CTNND2: variants seen among roughly 807,000 people sequenced by gnomAD.
CTNND2 encodes the protein catenin delta 2, also known as catenin delta-2.
Under a neutral mutation model 144.4 loss-of-function variants are expected in CTNND2, and 22 were observed. The observed-to-expected ratio is 0.15, with a 90% CI of 0.11 to 0.22. The LOEUF is 0.22. Among genes scored for constraint, CTNND2 ranks in the 10% least tolerant of loss-of-function variants. The pLI is 1.00. For missense variants in CTNND2, 1,353 were observed against 1,618.8 expected, an observed-to-expected ratio of 0.84 and a Z score of 2.82; for synonymous variants, 751 against 695.6, an observed-to-expected ratio of 1.08 and a Z score of -1.25.
At chr5:11,346,903 C>T (rs994264578) in intron 8 of CTNND2, among the ~76,000 whole-genome samples, 3 of 152,124 alleles carry the variant, frequency 2.0e-5, no homozygotes, top group Admixed American at 6.5e-5. Flanking sequence ...GTGTGTTCAG[C>T]TGCAATATAA....
chr5:11,150,615 TTC>T (rs1364994965), intron 12 of CTNND2, among the ~76,000 whole-genome samples: 5 of 123,018 alleles, frequency 4.1e-5, no homozygotes, highest in Admixed American at 1.8e-4. Context: ...AACTGCTGCC[TTC>T]TTTTTTTTTT....
At position 11,129,150 on chromosome 5, in the gene CTNND2, A is replaced by T. The variant is rs781483984; in HGVS notation, c.2160-11583T>A. ...ATATATTTATATATATTATATATAA[A>T]ATATACATATATTATATATTATATA... On this transcript the variant is annotated intron_variant, in intron 12 of 21. Coordinates refer to ENST00000304623, the MANE Select transcript of CTNND2 (RefSeq NM_001332.4). Among the ~76,000 whole-genome samples the T allele has an allele frequency of 9.0e-3, 142 of 15,798 alleles. 7 individuals carry two copies. Among genetic ancestry groups the T allele is most frequent in the South Asian group, 0.026 (12 of 462 alleles). 10.4% of individuals were successfully genotyped at this position (15,798 alleles called of 152,430 possible). A position where few individuals can be genotyped will look rare whatever the true frequency, so the allele number is the denominator to read the frequency against.
At chr5:11,545,194 C>A (rs1313223797) in intron 3 of CTNND2, among the ~76,000 whole-genome samples, 3 of 146,824 alleles carry the variant, frequency 2.0e-5, no homozygotes, top group South Asian at 4.3e-4. Context: ...TGGTGGCAGG[C>A]GCCTGTAATC....
At chr5:11,871,561 G>T (rs986023150) in intron 1 of CTNND2, among the ~76,000 whole-genome samples, 1 of 152,146 alleles carries the variant, frequency 6.6e-6, no homozygotes, top group Non-Finnish European at 1.5e-5. Flanking sequence ...AGACTTAAAA[G>T]AATTTGTATT....
At chr5:11,777,509 C>G (rs558491988) in intron 1 of CTNND2, among the ~76,000 whole-genome samples, 1 of 152,134 alleles carries the variant, frequency 6.6e-6, no homozygotes, top group South Asian at 2.1e-4. Context: ...AATCCTGGAT[C>G]GAGTTCTGAG....
intron 11 of CTNND2, among the ~76,000 whole-genome samples, chr5:11,184,260 T>C (rs989704807): frequency 6.6e-6 from 1 of 152,232 alleles, no homozygotes; most frequent in Non-Finnish European, 1.5e-5. Context: ...TAGCCTTTTT[T>C]CTACTGATAC....
intron 11 of CTNND2, among the ~76,000 whole-genome samples, chr5:11,161,539 A>T (rs562127495): frequency 1.3e-5 from 2 of 152,354 alleles, no homozygotes; most frequent in Non-Finnish European, 2.9e-5. Context: ...GGTAATCTAA[A>T]TAATCAAAAT....
chr5:11,123,358 T>G (rs925772387), intron 12 of CTNND2, among the ~76,000 whole-genome samples: 3 of 152,208 alleles, frequency 2.0e-5, no homozygotes, highest in African/African-American at 7.2e-5. Flanking sequence ...CAGTGGTTCC[T>G]AACTAGGATG....
At chr5:11,401,444 A>G (rs559515260) in intron 5 of CTNND2, among the ~76,000 whole-genome samples, 1 of 152,346 alleles carries the variant, frequency 6.6e-6, no homozygotes, top group East Asian at 1.9e-4. Context: ...GTTATTCTAT[A>G]AGTCACAACC....
intron 13 of CTNND2, among the ~76,000 whole-genome samples, chr5:11,117,038 G>C (rs546036379): frequency 6.6e-6 from 1 of 151,678 alleles, no homozygotes; most frequent in East Asian, 1.9e-4. Flanking sequence ...CTGGGTGACA[G>C]AGCCTGGGTG....
At chr5:11,749,004 G>T (rs1788463434) in intron 1 of CTNND2, among the ~76,000 whole-genome samples, 1 of 151,998 alleles carries the variant, frequency 6.6e-6, no homozygotes, top group African/African-American at 2.4e-5. Flanking sequence ...CAGGTAGACA[G>T]GATGCTCAAG....
chr5:11,576,744 G>C (rs181896394), intron 2 of CTNND2, among the ~76,000 whole-genome samples: 1 of 152,214 alleles, frequency 6.6e-6, no homozygotes, highest in African/African-American at 2.4e-5. Context: ...CTTCCTAGCA[G>C]AACAGTCTGT....
intron 11 of CTNND2, among the ~76,000 whole-genome samples, chr5:11,161,573 CA>C (rs1159579537): frequency 6.6e-6 from 1 of 152,086 alleles, no homozygotes; most frequent in African/African-American, 2.4e-5. Flanking sequence ...TCCAGCCTCA[CA>C]AAAATGTTAA....
At chr5:11,307,966 G>C (rs1053575229) in intron 9 of CTNND2, among the ~76,000 whole-genome samples, 5 of 152,194 alleles carry the variant, frequency 3.3e-5, no homozygotes, top group Non-Finnish European at 7.3e-5. Context: ...ATCCGAGAGA[G>C]TTAGCCATTC....
intron 3 of CTNND2, among the ~76,000 whole-genome samples, chr5:11,464,626 T>C (rs1204326452): frequency 6.6e-6 from 1 of 152,150 alleles, no homozygotes; most frequent in East Asian, 1.9e-4. Context: ...ATACTTATGC[T>C]GAGAACACTC....
chr5:11,282,316 C>G (rs1035178885), intron 9 of CTNND2, among the ~76,000 whole-genome samples: 1 of 152,174 alleles, frequency 6.6e-6, no homozygotes, highest in Non-Finnish European at 1.5e-5. Context: ...TAAATAATTA[C>G]GAGTTTTTAA....
At chr5:11,473,610 G>A (rs1017281868) in intron 3 of CTNND2, among the ~76,000 whole-genome samples, 1 of 152,142 alleles carries the variant, frequency 6.6e-6, no homozygotes, top group Non-Finnish European at 1.5e-5. Context: ...TGGCTCCATC[G>A]CTATTCCCAG....
intron 3 of CTNND2, among the ~76,000 whole-genome samples, chr5:11,530,343 T>C (rs937035915): frequency 6.6e-6 from 1 of 152,178 alleles, no homozygotes; most frequent in Non-Finnish European, 1.5e-5. Context: ...AAGAATGGAC[T>C]TATAGATCCA....
intron 9 of CTNND2, among the ~76,000 whole-genome samples, chr5:11,333,504 G>C (rs749167330): frequency 2.0e-5 from 3 of 152,008 alleles, no homozygotes; most frequent in Non-Finnish European, 4.4e-5. Flanking sequence ...GATAAGCAAA[G>C]GTAAAGGGAA....
Sources: allele counts gnomAD v4.1 joint callset (sites outside exome capture counted in the v4.1 genomes callset), GRCh38; gene constraint gnomAD v4.1.1; transcripts MANE v1.5; gene names NCBI Gene and HGNC (gene_info 2026-07-23, HGNC 2026-07-21).